The following HS6ST2 variants were observed in gnomAD, a reference collection of about 807,000 sequenced individuals.
HS6ST2 encodes heparan-sulfate 6-O-sulfotransferase 2.
In HS6ST2, 17 loss-of-function variants were observed where a neutral mutation model predicts 33.0. That is an observed-to-expected ratio of 0.52 (90% CI 0.35 to 0.77). The LOEUF (loss-of-function observed/expected upper bound fraction) is 0.77. Among genes scored for constraint, HS6ST2 ranks in the 30% least tolerant of loss-of-function variants. HS6ST2 has a pLI of 0.01. For missense variants in HS6ST2, 519 were observed against 551.7 expected, an observed-to-expected ratio of 0.94 and a Z score of 0.59; for synonymous variants, 248 against 237.1, an observed-to-expected ratio of 1.05 and a Z score of -0.42.
intron 2 of HS6ST2, among the ~76,000 whole-genome samples, chrX:132,825,729 T>C (rs1464292707): frequency 1.8e-5 from 2 of 108,885 alleles, no homozygotes; most frequent in Non-Finnish European, 3.8e-5. Context: ...GCGATTATTA[T>C]TTTCATTCCT....
At chrX:132,637,920 A>C (rs1603289219) in intron 4 of HS6ST2, among the ~76,000 whole-genome samples, 1 of 51,579 alleles carries the variant, frequency 1.9e-5, no homozygotes, top group Admixed American at 2.8e-4. Context: ...ATAATATTTT[A>C]TATATATATT....
At chrX:132,641,361 C>G (rs961945533) in intron 4 of HS6ST2, among the ~76,000 whole-genome samples, 1 of 112,233 alleles carries the variant, frequency 8.9e-6, no homozygotes, top group Non-Finnish European at 1.9e-5. Flanking sequence ...CCAGGCTGGT[C>G]TCAAACTCCT....
intron 2 of HS6ST2, among the ~76,000 whole-genome samples, chrX:132,779,648 A>G (rs767195684): frequency 3.6e-5 from 4 of 111,380 alleles, no homozygotes; most frequent in East Asian, 2.8e-4. Context: ...AGCAAGCCCT[A>G]TGATCCTCCA....
chrX:132,642,445 G>T (rs1459761066), intron 4 of HS6ST2, among the ~76,000 whole-genome samples: 4 of 110,915 alleles, frequency 3.6e-5, no homozygotes, highest in Admixed American at 1.9e-4. Flanking sequence ...GGCTTTTTCT[G>T]GGGGGGTGTG....
chrX:132,888,195 A>G (rs913218134), intron 2 of HS6ST2, among the ~76,000 whole-genome samples: 2 of 111,760 alleles, frequency 1.8e-5, no homozygotes, highest in Non-Finnish European at 3.8e-5. Context: ...TGCTGTTAAT[A>G]AAGACATTCC....
intron 2 of HS6ST2, among the ~76,000 whole-genome samples, chrX:132,824,642 G>A (rs755609141): frequency 8.9e-6 from 1 of 112,367 alleles, no homozygotes; most frequent in Admixed American, 9.4e-5. Flanking sequence ...TAAGCATTTT[G>A]TTGTTGTTGT....
At chrX:132,632,068 C>T (rs953893401) in intron 4 of HS6ST2, among the ~76,000 whole-genome samples, 4 of 110,727 alleles carry the variant, frequency 3.6e-5, no homozygotes, top group Non-Finnish European at 3.8e-5. Flanking sequence ...GACAGCCCAA[C>T]GTAGGCAGCC....
intron 3 of HS6ST2, among the ~76,000 whole-genome samples, chrX:132,689,276 G>A (rs1054915616): frequency 8.9e-6 from 1 of 112,441 alleles, no homozygotes; most frequent in Non-Finnish European, 1.9e-5. Context: ...TAATTAGCCA[G>A]AAATCGGTAC....
intron 2 of HS6ST2, among the ~76,000 whole-genome samples, chrX:132,771,720 A>G (rs145596204): frequency 0.012 from 1,376 of 111,844 alleles, 25 homozygotes; most frequent in African/African-American, 0.043. Flanking sequence ...AAGCCTTAGG[A>G]ATAGAAAACA....
Position 132,957,233 on chromosome X carries a change from G to A in HS6ST2, c.522C>T (p.Pro174=), listed in dbSNP as rs750952575. Residue 174 remains proline (P), a synonymous_variant, in exon 2 of 5, where the codon CCC becomes CCT. Transcript: ENST00000370833. ...FAVIVLQYVC[P]GTECQLLRLQ... is the part of the protein sequence containing the mutation. Reference sequence around the variant, plus strand: ...GGCGGAGGAGCTGGCATTCTGTGCCGGGGCACACGTATTGGAGGACGATCA... The same window carrying A: ...GGCGGAGGAGCTGGCATTCTGTGCCAGGGCACACGTATTGGAGGACGATCA... 6 of 1,204,405 alleles carry A rather than the reference G, an allele frequency of 5.0e-6. No homozygotes were observed. The African/African-American group carries it at 8.7e-5, about 18-fold the overall frequency.
At chrX:132,652,678 G>A (rs182637393) in intron 4 of HS6ST2, among the ~76,000 whole-genome samples, 3 of 110,638 alleles carry the variant, frequency 2.7e-5, no homozygotes, top group East Asian at 5.7e-4. Flanking sequence ...TCAGAAAGTC[G>A]GTAGCAATTG....
At chrX:132,782,043 A>G (rs921033407) in intron 2 of HS6ST2, among the ~76,000 whole-genome samples, 1 of 111,907 alleles carries the variant, frequency 8.9e-6, no homozygotes, top group African/African-American at 3.3e-5. Flanking sequence ...GCTTAAAAAT[A>G]TGAGTGTTTG....
chrX:132,766,766 T>C (rs1569488458), intron 2 of HS6ST2, among the ~76,000 whole-genome samples: 1 of 112,251 alleles, frequency 8.9e-6, no homozygotes, highest in Non-Finnish European at 1.9e-5. Context: ...ATACCACATG[T>C]AATGAAGTCT....
chrX:132,823,126 A>G (rs1424929479), intron 2 of HS6ST2, among the ~76,000 whole-genome samples: 1 of 112,388 alleles, frequency 8.9e-6, no homozygotes, highest in Non-Finnish European at 1.9e-5. Context: ...ATACGAACGA[A>G]CATGTCTTTT....
intron 3 of HS6ST2, among the ~76,000 whole-genome samples, chrX:132,673,794 C>T (rs1447531477): frequency 9.0e-6 from 1 of 111,364 alleles, no homozygotes; most frequent in African/African-American, 3.3e-5. Flanking sequence ...TACACCAAGT[C>T]GTCATCTTTT....
chrX:132,805,553 C>A (rs1417171440), intron 2 of HS6ST2, among the ~76,000 whole-genome samples: 4 of 109,205 alleles, frequency 3.7e-5, no homozygotes, highest in African/African-American at 9.9e-5. Context: ...AAACACATAC[C>A]TACCCCTGGG....
At chrX:132,788,477 C>T (rs1274636199) in intron 2 of HS6ST2, among the ~76,000 whole-genome samples, 2 of 111,587 alleles carry the variant, frequency 1.8e-5, no homozygotes, top group Admixed American at 1.9e-4. Context: ...TCGCTATTTC[C>T]TGAGACACAA....
At chrX:132,857,524 C>T (rs1322183277) in intron 2 of HS6ST2, among the ~76,000 whole-genome samples, 1 of 110,644 alleles carries the variant, frequency 9.0e-6, no homozygotes, top group Non-Finnish European at 1.9e-5. Flanking sequence ...AAAGTACATC[C>T]TTGTTATTTT....
intron 2 of HS6ST2, among the ~76,000 whole-genome samples, chrX:132,810,859 C>A (rs1329653836): frequency 8.0e-5 from 9 of 112,382 alleles, no homozygotes. Context: ...CCTGGTTAAC[C>A]CACTGGCTGA....
Sources: allele counts gnomAD v4.1 joint callset (sites outside exome capture counted in the v4.1 genomes callset), GRCh38; gene constraint gnomAD v4.1.1; transcripts MANE v1.5; gene names NCBI Gene and HGNC (gene_info 2026-07-23, HGNC 2026-07-21).